TMEM108: variants seen among roughly 807,000 people sequenced by gnomAD.
TMEM108 encodes the protein cancer/testis antigen 124.
Under a neutral mutation model 35.1 loss-of-function variants are expected in TMEM108, and 12 were observed. The ratio of observed to expected loss-of-function variants is 0.34; its 90% CI spans 0.22 to 0.55. TMEM108 has a LOEUF of 0.55. Among genes scored for constraint, TMEM108 ranks in the 20% least tolerant of loss-of-function variants. TMEM108 has a pLI of 0.89. For synonymous variants in TMEM108, 287 were observed against 308.6 expected (o/e 0.93, Z 0.73); for missense variants, 680 against 753.3 (o/e 0.90, Z 1.14).
intron 3 of TMEM108, among the ~76,000 whole-genome samples, chr3:133,329,599 A>G (rs1439239475): frequency 6.6e-6 from 1 of 152,194 alleles, no homozygotes; most frequent in Non-Finnish European, 1.5e-5. Context: ...TAATCAGACA[A>G]GAAGGTCTTT....
chr3:133,093,106 C>T (rs1197271936), intron 2 of TMEM108, among the ~76,000 whole-genome samples: 1 of 151,046 alleles, frequency 6.6e-6, no homozygotes, highest in Non-Finnish European at 1.5e-5. Flanking sequence ...TCTCCTGTTT[C>T]AGCCTCTTGA....
intron 1 of TMEM108, among the ~76,000 whole-genome samples, chr3:133,043,337 G>A (rs1399532567): frequency 6.6e-6 from 1 of 152,180 alleles, no homozygotes. Context: ...AGAATTCTGA[G>A]TTCTTGTCTG....
rs141373136 is a variant in TMEM108 at position 133,222,953 on chromosome 3, T to G, written c.-46-6313T>G. ...CTTCTACCTCAGCCTCTCAAGAAGCTGGGACCATAGGCACACATCACCATG... is the reference window on the plus strand; with the variant it reads ...CTTCTACCTCAGCCTCTCAAGAAGCGGGGACCATAGGCACACATCACCATG... On this transcript the variant is annotated intron_variant, in intron 2 of 5. Transcript: ENST00000321871. Among the ~76,000 whole-genome samples the G allele has an allele frequency of 5.3e-4, 80 of 152,254 alleles. No homozygotes were observed. The East Asian group carries it at 0.015, about 29-fold the overall frequency.
At chr3:133,199,697 A>G (rs916418434) in intron 2 of TMEM108, among the ~76,000 whole-genome samples, 2 of 152,146 alleles carry the variant, frequency 1.3e-5, no homozygotes, top group Admixed American at 6.5e-5. Flanking sequence ...GTCGGCCTCT[A>G]CTGGGAGGTG....
At chr3:133,283,065 A>G (rs1946937381) in intron 3 of TMEM108, among the ~76,000 whole-genome samples, 1 of 152,250 alleles carries the variant, frequency 6.6e-6, no homozygotes, top group Non-Finnish European at 1.5e-5. Context: ...AGCAGAGTAG[A>G]TGAGGGGTAG....
chr3:133,390,461 CA>C, intron 5 of TMEM108, 127 bp downstream of exon 5: 1 of 1,083,596 alleles, frequency 9.2e-7, no homozygotes, highest in Non-Finnish European at 1.3e-6. Flanking sequence ...GTATCAATAA[CA>C]CCCAAGAGGT....
intron 2 of TMEM108, among the ~76,000 whole-genome samples, chr3:133,217,771 C>A (rs1945930839): frequency 6.6e-6 from 1 of 151,924 alleles, no homozygotes; most frequent in Non-Finnish European, 1.5e-5. Flanking sequence ...GCTCTCTGTT[C>A]TGTTTCATAG....
chr3:133,182,083 C>T (rs1307868342), intron 2 of TMEM108, among the ~76,000 whole-genome samples: 1 of 152,128 alleles, frequency 6.6e-6, no homozygotes, highest in Non-Finnish European at 1.5e-5. Context: ...GTCTGGGAAA[C>T]ATGGCTTGAT....
intron 3 of TMEM108, chr3:133,378,548 T>A: frequency 7.1e-6 from 7 of 985,260 alleles, no homozygotes; most frequent in Non-Finnish European, 8.4e-6. Context: ...AACAAGGAGG[T>A]GCTAACAGGT....
chr3:133,339,333 A>T (rs1333512345), intron 3 of TMEM108, among the ~76,000 whole-genome samples: 1 of 151,992 alleles, frequency 6.6e-6, no homozygotes, highest in African/African-American at 2.4e-5. Context: ...AATAGATTTC[A>T]AGACAAAAGC....
intron 2 of TMEM108, among the ~76,000 whole-genome samples, chr3:133,174,758 A>T (rs1169271750): frequency 6.6e-6 from 1 of 152,236 alleles, no homozygotes; most frequent in Non-Finnish European, 1.5e-5. Context: ...GAAACTCTGA[A>T]AATCAGAGCG....
At chr3:133,154,824 C>T (rs1343756885) in intron 2 of TMEM108, among the ~76,000 whole-genome samples, 2 of 152,002 alleles carry the variant, frequency 1.3e-5, no homozygotes, top group Admixed American at 6.6e-5. Context: ...AACAAACCTG[C>T]ACGTTGTGTA....
In TMEM108 at chr3:133,301,730, C is replaced by T. The variant is rs186836331; in HGVS notation, c.40+72379C>T. On this transcript the variant is annotated intron_variant, in intron 3 of 5. Coordinates refer to ENST00000321871, the MANE Select transcript of TMEM108 (RefSeq NM_023943.4). ...TTTTATACTCTCTGCAAGCCTGTAC[C>T]GACTAACTTTATCATTTTCATTGAA... is the stretch of plus-strand genomic sequence containing the variant. Among the ~76,000 whole-genome samples the T allele has an allele frequency of 5.9e-4, 90 of 152,220 alleles. 1 individual carries two copies. The highest frequency in any genetic ancestry group is 1.9e-3 in the African/African-American group (80 of 41,516).
In TMEM108 at chr3:133,126,191, G is replaced by T. The variant is rs1944413622; in HGVS notation, c.-47+80171G>T. Among the ~76,000 whole-genome samples the T allele has an allele frequency of 2.0e-5, 3 of 152,044 alleles. No individual in the cohort carries two copies. In the South Asian group the frequency reaches 6.2e-4, roughly 32 times the overall value. On this transcript the variant is annotated intron_variant, in intron 2 of 5. Transcript: ENST00000321871. ...TTTAAAAAAGTGATGTTCTGACCAG[G>T]TGCGGTGGCTCACGCCTGTAATCCC...
intron 4 of TMEM108, among the ~76,000 whole-genome samples, chr3:133,382,818 C>T (rs927918222): frequency 1.3e-5 from 2 of 152,268 alleles, no homozygotes; most frequent in Middle Eastern, 3.4e-3. Flanking sequence ...TTTTTATATC[C>T]GGAGTCTAGA....
At chr3:133,308,033 C>A (rs1458107502) in intron 3 of TMEM108, among the ~76,000 whole-genome samples, 1 of 152,102 alleles carries the variant, frequency 6.6e-6, no homozygotes, top group Non-Finnish European at 1.5e-5. Flanking sequence ...TCTTTTGTTT[C>A]ATTGAGCAGT....
chr3:133,386,968 A>G (rs535764858), intron 4 of TMEM108: 5 of 979,606 alleles, frequency 5.1e-6, no homozygotes, highest in Non-Finnish European at 6.1e-6. Flanking sequence ...AATAAGCTTC[A>G]AAGTGCCTGG....
chr3:133,116,130 T>C (rs1162015689), intron 2 of TMEM108, among the ~76,000 whole-genome samples: 1 of 152,202 alleles, frequency 6.6e-6, no homozygotes, highest in Non-Finnish European at 1.5e-5. Context: ...ATGGGCTTCA[T>C]CTTCAACATC....
chr3:133,236,486 C>G (rs1946239588), intron 3 of TMEM108, among the ~76,000 whole-genome samples: 1 of 152,084 alleles, frequency 6.6e-6, no homozygotes, highest in Non-Finnish European at 1.5e-5. Context: ...CGCACAAACA[C>G]ACACACACAA....
Sources: allele counts gnomAD v4.1 joint callset (sites outside exome capture counted in the v4.1 genomes callset), GRCh38; gene constraint gnomAD v4.1.1; transcripts MANE v1.5; gene names NCBI Gene and HGNC (gene_info 2026-07-23, HGNC 2026-07-21).